RBFOX1: variants seen among roughly 807,000 people sequenced by gnomAD.
RBFOX1 encodes the protein RNA binding fox-1 homolog 1, also known as RNA binding protein fox-1 homolog 1.
Under a neutral mutation model 57.7 loss-of-function variants are expected in RBFOX1, and 8 were observed. That is an observed-to-expected ratio of 0.14 (90% CI 0.08 to 0.25). The LOEUF is 0.25. RBFOX1 is among the 10% of genes least tolerant of loss of function. The pLI is 1.00. For synonymous variants in RBFOX1, 326 were observed against 222.4 expected, an observed-to-expected ratio of 1.47 and a Z score of -4.15; for missense variants, 611 against 548.5, an observed-to-expected ratio of 1.11 and a Z score of -1.14.
intron 3 of RBFOX1, among the ~76,000 whole-genome samples, chr16:6,908,923 A>C (rs1388588543): frequency 6.6e-6 from 1 of 152,182 alleles, no homozygotes; most frequent in Non-Finnish European, 1.5e-5. Context: ...TGCAGCTGCT[A>C]GGATAATTTG....
At chr16:7,200,935 G>C (rs2088222337) in intron 4 of RBFOX1, among the ~76,000 whole-genome samples, 2 of 152,132 alleles carry the variant, frequency 1.3e-5, no homozygotes, top group African/African-American at 4.8e-5. Context: ...GAGGCAAGAA[G>C]GTTTAAGATG....
chr16:7,437,250 G>GCC lies in RBFOX1; in HGVS notation c.28-80887_28-80886dup, dbSNP rs61036994. 3.5e-3 allele frequency among the ~76,000 whole-genome samples: 446 copies of GCC among 127,236 alleles called. 2 individuals carry two copies. Among genetic ancestry groups the GCC allele is most frequent in the East Asian group, 0.013 (55 of 4,248 alleles). 83.5% of individuals were successfully genotyped at this position (127,236 alleles called of 152,430 possible). On this transcript the variant is annotated intron_variant, in intron 4 of 15. Transcript: ENST00000550418. ...ACTGTGCTAGAATTAAATTATCTTT[G>GCC]CCCCCCCCCCCTTTCTGTTATATTA...
chr16:7,189,545 G>T (rs2152604124), intron 4 of RBFOX1, among the ~76,000 whole-genome samples: 1 of 118,182 alleles, frequency 8.5e-6, no homozygotes, highest in African/African-American at 3.7e-5. Flanking sequence ...AAAACACTAT[G>T]TCCCCCAAAA....
chr16:7,316,027 A>G (rs2096430885), intron 4 of RBFOX1, among the ~76,000 whole-genome samples: 1 of 152,206 alleles, frequency 6.6e-6, no homozygotes, highest in African/African-American at 2.4e-5. Context: ...TGATTCACCC[A>G]AACAAACATC....
intron 1 of RBFOX1, among the ~76,000 whole-genome samples, chr16:5,337,502 C>A (rs980575257): frequency 1.3e-5 from 2 of 152,188 alleles, no homozygotes; most frequent in African/African-American, 4.8e-5. Context: ...CCTTCTCAGA[C>A]TACATAACCT....
chr16:6,715,419 A>G (rs988673531), intron 3 of RBFOX1, among the ~76,000 whole-genome samples: 3 of 152,286 alleles, frequency 2.0e-5, no homozygotes, highest in Non-Finnish European at 2.9e-5. Flanking sequence ...ATGCCATTTA[A>G]CATAGCAAGC....
At chr16:7,280,419 A>G (rs1266860687) in intron 4 of RBFOX1, among the ~76,000 whole-genome samples, 1 of 152,212 alleles carries the variant, frequency 6.6e-6, no homozygotes, top group East Asian at 1.9e-4. Flanking sequence ...TGTCCAAGGG[A>G]TCCCCAGGAT....
At chr16:6,517,660 A>C (rs916554017) in intron 2 of RBFOX1, among the ~76,000 whole-genome samples, 1 of 152,172 alleles carries the variant, frequency 6.6e-6, no homozygotes, top group Non-Finnish European at 1.5e-5. Context: ...CTTGATGGCT[A>C]CAATAAACTG....
At chr16:5,597,721 A>C (rs905720398) in intron 2 of RBFOX1, among the ~76,000 whole-genome samples, 2 of 152,138 alleles carry the variant, frequency 1.3e-5, no homozygotes, top group Non-Finnish European at 2.9e-5. Context: ...AGGCAGGAGC[A>C]GTTCCCTAGA....
chr16:6,539,820 CA>C (rs2096787747), intron 2 of RBFOX1, among the ~76,000 whole-genome samples: 1 of 151,692 alleles, frequency 6.6e-6, no homozygotes, highest in African/African-American at 2.4e-5. Flanking sequence ...CACACACACA[CA>C]CACACACACA....
At chr16:7,359,190 C>T (rs151206166) in intron 4 of RBFOX1, among the ~76,000 whole-genome samples, 2 of 152,290 alleles carry the variant, frequency 1.3e-5, no homozygotes, top group Non-Finnish European at 1.5e-5. Flanking sequence ...CTCAGAACCT[C>T]TCTTATCTGA....
At position 6,514,072 on chromosome 16, in the gene RBFOX1, C is replaced by A. The variant is rs151186742; in HGVS notation, c.-63-140531C>A. 5.2e-4 allele frequency among the ~76,000 whole-genome samples: 79 copies of A among 152,262 alleles called. 3 individuals carry two copies. Among genetic ancestry groups the A allele is most frequent in the Non-Finnish European group, 1.5e-4 (10 of 68,018 alleles). On this transcript the variant is annotated intron_variant, in intron 2 of 15. Coordinates refer to ENST00000550418, the MANE Select transcript of RBFOX1 (RefSeq NM_018723.4). The stretch of plus-strand genomic sequence containing the variant: ...ACTGTGTTGCTCTGTAAGTCCGTAG[C>A]CATTGGTCGTCAAGAATGAGCTTCC...
At chr16:6,595,657 C>T (rs1600947749) in intron 2 of RBFOX1, among the ~76,000 whole-genome samples, 1 of 152,246 alleles carries the variant, frequency 6.6e-6, no homozygotes, top group East Asian at 1.9e-4. Flanking sequence ...GTGGGTACCC[C>T]ATTTTACATT....
chr16:5,970,065 C>A (rs1023013971), intron 4 of RBFOX1, among the ~76,000 whole-genome samples: 5 of 152,110 alleles, frequency 3.3e-5, no homozygotes, highest in Non-Finnish European at 5.9e-5. Context: ...CACATTGCTG[C>A]CACTGCCTCT....
At chr16:5,287,766 A>C (rs531506414) in intron 1 of RBFOX1, among the ~76,000 whole-genome samples, 2 of 152,198 alleles carry the variant, frequency 1.3e-5, no homozygotes, top group Non-Finnish European at 2.9e-5. Flanking sequence ...ATGCAGATTA[A>C]TATTCCAGTG....
rs528010699 is a variant in RBFOX1 at position 6,717,796 on chromosome 16, G to A, written c.-16+63146G>A. ...TGCAATTCTCAACATGGACCCAGCA[G>A]AAAATATTGGGTACTTCAGGCATTC... On this transcript the variant is annotated intron_variant, in intron 3 of 15. Transcript: ENST00000550418. Among the ~76,000 whole-genome samples, 7 of 152,270 alleles carry A rather than the reference G, an allele frequency of 4.6e-5. No homozygotes were observed. The South Asian group carries it at 1.5e-3, about 32-fold the overall frequency.
chr16:7,584,957 A>G (rs1323576852), intron 6 of RBFOX1, among the ~76,000 whole-genome samples: 1 of 152,234 alleles, frequency 6.6e-6, no homozygotes. Context: ...GACACCTGCC[A>G]AGATTGCTGT....
Position 6,019,300 on chromosome 16 carries a change from C to T in RBFOX1, c.-819C>T, listed in dbSNP as rs941425599. 2.0e-6 allele frequency: 2 copies of T among 985,470 alleles called. No individual in the cohort carries two copies. The highest frequency in any genetic ancestry group is 2.4e-6 in the Non-Finnish European group (2 of 830,230). 61.0% of individuals were successfully genotyped at this position (985,470 alleles called of 1,614,324 possible). A position where few individuals can be genotyped will look rare whatever the true frequency, so the allele number is the denominator to read the frequency against. ...TCCCGAGCGCGGGGTTTGAAGGTCACCTCCTTTCCAGTCCCCGTGCGAGCC... is the reference window on the plus strand; with the variant it reads ...TCCCGAGCGCGGGGTTTGAAGGTCATCTCCTTTCCAGTCCCCGTGCGAGCC... On this transcript the variant is annotated 5_prime_UTR_variant, in exon 1 of 16. Transcript: ENST00000550418. The surrounding 1 kb of genome is among the most constrained non-coding windows in gnomAD (Gnocchi z 4.2).
intron 12 of RBFOX1, among the ~76,000 whole-genome samples, chr16:7,660,140 T>G (rs1164194253): frequency 3.3e-5 from 5 of 152,222 alleles, no homozygotes. Context: ...TTGGGCATTT[T>G]ATACTTTTTT....
Sources: gnomAD v4.1 joint callset for allele counts (sites outside exome capture counted in the v4.1 genomes callset) on GRCh38, gnomAD v4.1.1 for gene constraint, Gnocchi (gnomAD v3.1) non-coding constraint, MANE v1.5 for transcripts, NCBI Gene and HGNC (gene_info 2026-07-23, HGNC 2026-07-21) for gene names.